The following SORCS1 variants were observed in gnomAD, a reference collection of about 807,000 sequenced individuals.
SORCS1 encodes VPS10 domain-containing receptor SorCS1.
SORCS1 carries 60 observed loss-of-function variants against 146.1 expected under a neutral mutation model. The observed-to-expected ratio is 0.41, with a 90% CI of 0.33 to 0.51. SORCS1 has a LOEUF of 0.51. Ranked by LOEUF, SORCS1 falls within the 20% of genes least tolerant of loss-of-function variation. The pLI, the probability that SORCS1 is intolerant of heterozygous loss-of-function variation, is 0.21. For synonymous variants in SORCS1, 637 were observed against 584.0 expected (o/e 1.09, Z -1.31); for missense variants, 1,352 against 1,487.6 (o/e 0.91, Z 1.50).
At chr10:107,089,322 A>G (rs1334715912) in intron 1 of SORCS1, among the ~76,000 whole-genome samples, 2 of 152,216 alleles carry the variant, frequency 1.3e-5, no homozygotes, top group Admixed American at 1.3e-4. Context: ...GGGGTAAACA[A>G]AAAGTGGCAT....
chr10:106,624,343 A>G (rs1847943316), intron 19 of SORCS1, among the ~76,000 whole-genome samples: 2 of 128,532 alleles, frequency 1.6e-5, no homozygotes, highest in African/African-American at 5.8e-5. Flanking sequence ...TTGGTCAATG[A>G]CGATTTTTTT....
chr10:106,805,020 T>C (rs1233877485), intron 3 of SORCS1, among the ~76,000 whole-genome samples: 2 of 152,016 alleles, frequency 1.3e-5, no homozygotes, highest in African/African-American at 4.8e-5. Context: ...AAACCATTTG[T>C]ATCAACCTCA....
At chr10:106,795,229 C>G (rs940315326) in intron 3 of SORCS1, among the ~76,000 whole-genome samples, 11 of 152,036 alleles carry the variant, frequency 7.2e-5, no homozygotes, top group African/African-American at 2.4e-4. Flanking sequence ...CATCCTACAG[C>G]AAGAAGAGTC....
intron 1 of SORCS1, among the ~76,000 whole-genome samples, chr10:106,972,551 A>G (rs1955832363): frequency 6.7e-6 from 1 of 149,940 alleles, no homozygotes; most frequent in Non-Finnish European, 1.5e-5. Flanking sequence ...TTTTGGCCGT[A>G]AAGTTTGAGT....
intron 1 of SORCS1, among the ~76,000 whole-genome samples, chr10:107,096,221 T>C (rs1210404435): frequency 6.6e-6 from 1 of 152,242 alleles, no homozygotes; most frequent in Non-Finnish European, 1.5e-5. Context: ...CACAGTTATG[T>C]TTCACTGGCA....
At chr10:106,615,458 T>C in intron 21 of SORCS1, among the ~76,000 whole-genome samples, 1 of 152,192 alleles carries the variant, frequency 6.6e-6, no homozygotes, top group East Asian at 1.9e-4. Flanking sequence ...GGGTTCAATC[T>C]TTCCTGTTTA....
intron 1 of SORCS1, among the ~76,000 whole-genome samples, chr10:107,007,838 T>C (rs1957522105): frequency 1.3e-5 from 2 of 152,200 alleles, no homozygotes; most frequent in African/African-American, 4.8e-5. Context: ...GCTTACTTGA[T>C]AGCTGTGCAA....
At chr10:106,954,259 T>C (rs947199262) in intron 2 of SORCS1, among the ~76,000 whole-genome samples, 2 of 152,186 alleles carry the variant, frequency 1.3e-5, no homozygotes, top group Admixed American at 6.5e-5. Flanking sequence ...ATACTTTATA[T>C]GGAAAATGCA....
At chr10:106,891,111 G>A (rs1481244718) in intron 2 of SORCS1, among the ~76,000 whole-genome samples, 1 of 152,068 alleles carries the variant, frequency 6.6e-6, no homozygotes, top group East Asian at 1.9e-4. Context: ...AAAGCAACAT[G>A]GTTCCCGTAT....
chr10:106,818,376 T>A (rs1429773697), intron 3 of SORCS1, among the ~76,000 whole-genome samples: 2 of 151,828 alleles, frequency 1.3e-5, no homozygotes, highest in African/African-American at 4.8e-5. Context: ...AGGATTTTTT[T>A]TTTTTTTTTA....
At chr10:106,661,626 T>C (rs1036214853) in intron 17 of SORCS1, among the ~76,000 whole-genome samples, 6 of 152,240 alleles carry the variant, frequency 3.9e-5, no homozygotes, top group African/African-American at 1.2e-4. Flanking sequence ...TTGTGCTACA[T>C]GCTTTACATA....
At position 106,900,554 on chromosome 10, in the gene SORCS1, G is replaced by C. The variant is rs369732878; in HGVS notation, c.626+55959C>G. 3.3e-5 allele frequency among the ~76,000 whole-genome samples: 5 copies of C among 151,786 alleles called. No homozygotes were observed. In the East Asian group the frequency reaches 9.7e-4, roughly 30 times the overall value. Reference sequence around the variant, plus strand: ...CATCCCTCCTATAGGATAACTCAGAGGTGTGCTCTACACTGACTCCTACAC... The same window carrying C: ...CATCCCTCCTATAGGATAACTCAGACGTGTGCTCTACACTGACTCCTACAC... On this transcript the variant is annotated intron_variant, in intron 2 of 25. Coordinates refer to ENST00000263054, the MANE Select transcript of SORCS1 (RefSeq NM_052918.5).
chr10:106,842,905 G>A (rs1949115148), intron 2 of SORCS1, among the ~76,000 whole-genome samples: 3 of 152,132 alleles, frequency 2.0e-5, no homozygotes, highest in African/African-American at 4.8e-5. Context: ...GAGCCACTGT[G>A]CCTGGCCCTT....
At chr10:107,100,525 A>T (rs1404145638) in intron 1 of SORCS1, among the ~76,000 whole-genome samples, 2 of 152,008 alleles carry the variant, frequency 1.3e-5, no homozygotes, top group Admixed American at 1.3e-4. Flanking sequence ...AAAAAAAAAA[A>T]AGTAAGTAAA....
intron 1 of SORCS1, among the ~76,000 whole-genome samples, chr10:107,040,593 G>C (rs1382266166): frequency 6.6e-6 from 1 of 152,096 alleles, no homozygotes; most frequent in Non-Finnish European, 1.5e-5. Flanking sequence ...TCTGAATTTA[G>C]GCCAGTGACA....
At chr10:106,815,454 A>G (rs1947692722) in intron 3 of SORCS1, among the ~76,000 whole-genome samples, 1 of 152,132 alleles carries the variant, frequency 6.6e-6, no homozygotes, top group Admixed American at 6.5e-5. Flanking sequence ...GTATGGGAGG[A>G]ACATAATGAA....
At chr10:106,676,532 C>G (rs990221840) in intron 13 of SORCS1, among the ~76,000 whole-genome samples, 1 of 152,082 alleles carries the variant, frequency 6.6e-6, no homozygotes, top group Admixed American at 6.6e-5. Flanking sequence ...TACCTGTAAT[C>G]GTGCTGAGAG....
At chr10:106,626,621 T>G (rs1357968336) in intron 19 of SORCS1, among the ~76,000 whole-genome samples, 1 of 152,156 alleles carries the variant, frequency 6.6e-6, no homozygotes, top group South Asian at 2.1e-4. Flanking sequence ...ACAGTGCTTC[T>G]CCAATCCTTG....
chr10:106,724,569 T>C (rs1173037481), intron 6 of SORCS1, among the ~76,000 whole-genome samples: 1 of 152,002 alleles, frequency 6.6e-6, no homozygotes, highest in Non-Finnish European at 1.5e-5. Flanking sequence ...AATTCTTTTT[T>C]CTCATGTAAA....
Sources: allele counts gnomAD v4.1 joint callset (sites outside exome capture counted in the v4.1 genomes callset), GRCh38; gene constraint gnomAD v4.1.1; transcripts MANE v1.5; gene names NCBI Gene and HGNC (gene_info 2026-07-23, HGNC 2026-07-21).